Variants in LINGO2 observed in about 807,000 individuals in gnomAD.
The protein encoded by LINGO2 is leucine rich repeat and Ig domain containing 2, also known as leucine-rich repeat and immunoglobulin-like domain-containing nogo receptor-interacting protein 2.
In LINGO2, 14 loss-of-function variants were observed where a neutral mutation model predicts 30.6. That is an observed-to-expected ratio of 0.46 (90% CI 0.30 to 0.72). The LOEUF (loss-of-function observed/expected upper bound fraction) is 0.72. LINGO2 is among the 30% of genes least tolerant of loss of function. LINGO2 has a pLI of 0.07. For synonymous variants in LINGO2, 317 were observed against 288.5 expected (o/e 1.10, Z -1.00); for missense variants, 729 against 751.7 (o/e 0.97, Z 0.35).
chr9:28,744,578 G>C, the LINGO2 span, among the ~76,000 whole-genome samples: 3 of 147,690 alleles, frequency 2.0e-5, no homozygotes, highest in African/African-American at 5.0e-5. Flanking sequence ...ATAGTGTATA[G>C]CTTCTGATTT....
chr9:28,628,374 A>C (rs1826781038), intron 1 of LINGO2, among the ~76,000 whole-genome samples: 2 of 152,144 alleles, frequency 1.3e-5, no homozygotes, highest in African/African-American at 4.8e-5. Flanking sequence ...GTTTGCAGAC[A>C]ATAAATTCAC....
the LINGO2 span, among the ~76,000 whole-genome samples, chr9:29,158,892 T>C: frequency 6.6e-6 from 1 of 151,974 alleles, no homozygotes; most frequent in Non-Finnish European, 1.5e-5. Flanking sequence ...GAGCATCCCA[T>C]GTCCTCATTT....
chr9:28,176,575 A>G (rs2133688894), intron 4 of LINGO2, among the ~76,000 whole-genome samples: 1 of 152,342 alleles, frequency 6.6e-6, no homozygotes, highest in African/African-American at 2.4e-5. Context: ...AATATCTGAC[A>G]TTAATATAAC....
chr9:28,634,430 T>C (rs550549109), intron 1 of LINGO2, among the ~76,000 whole-genome samples: 1 of 151,988 alleles, frequency 6.6e-6, no homozygotes, highest in South Asian at 2.1e-4. Context: ...AGAATCTTGA[T>C]TGTCCCTTTA....
At chr9:28,237,000 C>A (rs979288842) in intron 4 of LINGO2, among the ~76,000 whole-genome samples, 1 of 150,084 alleles carries the variant, frequency 6.7e-6, no homozygotes, top group Non-Finnish European at 1.5e-5. Context: ...CTCGGGTACC[C>A]CATATTTATA....
the LINGO2 span, among the ~76,000 whole-genome samples, chr9:28,779,985 C>T: frequency 6.6e-6 from 1 of 152,038 alleles, no homozygotes; most frequent in Non-Finnish European, 1.5e-5. Context: ...TCTCTCTACA[C>T]CACTAAAGTT....
the LINGO2 span, among the ~76,000 whole-genome samples, chr9:28,723,653 G>T: frequency 6.6e-6 from 1 of 152,062 alleles, no homozygotes; most frequent in African/African-American, 2.4e-5. Context: ...TATTATCAAA[G>T]TAGCCCTGTT....
chr9:28,242,995 A>T (rs1587309087), intron 4 of LINGO2, among the ~76,000 whole-genome samples: 1 of 152,160 alleles, frequency 6.6e-6, no homozygotes, highest in African/African-American at 2.4e-5. Flanking sequence ...GAAAGGAAAA[A>T]CCAGTACTAG....
chr9:28,717,568 G>T, the LINGO2 span, among the ~76,000 whole-genome samples: 1 of 151,942 alleles, frequency 6.6e-6, no homozygotes, highest in Non-Finnish European at 1.5e-5. Flanking sequence ...ACACACTCAA[G>T]AGCAAATGTA....
At chr9:28,228,054 T>C (rs987360740) in intron 4 of LINGO2, among the ~76,000 whole-genome samples, 5 of 152,084 alleles carry the variant, frequency 3.3e-5, no homozygotes, top group Non-Finnish European at 7.4e-5. Context: ...TTAATACATG[T>C]AGTCATATCC....
chr9:28,434,036 A>G (rs895418264), intron 2 of LINGO2, among the ~76,000 whole-genome samples: 2 of 150,954 alleles, frequency 1.3e-5, no homozygotes, highest in African/African-American at 4.9e-5. Flanking sequence ...GGAACAAAAT[A>G]ATGTCTTTTG....
the LINGO2 span, among the ~76,000 whole-genome samples, chr9:28,912,892 G>T: frequency 2.6e-5 from 4 of 152,162 alleles, no homozygotes; most frequent in African/African-American, 9.6e-5. Flanking sequence ...TCTTGAGATT[G>T]TGTGGAATCT....
At chr9:28,957,812 G>C in the LINGO2 span, among the ~76,000 whole-genome samples, 1 of 152,098 alleles carries the variant, frequency 6.6e-6, no homozygotes, top group African/African-American at 2.4e-5. Context: ...AGATCACTTT[G>C]CCCTAGAATT....
rs1396776025 is a variant in LINGO2 at position 28,146,572 on chromosome 9, T to C, written c.-86-134167A>G. Among the ~76,000 whole-genome samples, 3 of 152,236 alleles carry C rather than the reference T, an allele frequency of 2.0e-5. No individual in the cohort carries two copies. In the East Asian group the frequency reaches 5.8e-4, roughly 29 times the overall value. On this transcript the variant is annotated intron_variant, in intron 4 of 5. Coordinates refer to ENST00000379992, the Ensembl canonical transcript of LINGO2. ...TTAAGTGGTAAAAATCTTTTTTTTTTTAACTTCTTGCCTTTTAATAATATC... is the reference window on the plus strand; with the variant it reads ...TTAAGTGGTAAAAATCTTTTTTTTTCTAACTTCTTGCCTTTTAATAATATC...
chr9:28,887,936 G>C, the LINGO2 span, among the ~76,000 whole-genome samples: 4 of 152,012 alleles, frequency 2.6e-5, no homozygotes, highest in Non-Finnish European at 5.9e-5. Context: ...AAAAAAGACA[G>C]GTCAAAATGA....
chr9:28,534,107 C>G (rs981532886), intron 1 of LINGO2, among the ~76,000 whole-genome samples: 2 of 152,118 alleles, frequency 1.3e-5, no homozygotes, highest in African/African-American at 4.8e-5. Flanking sequence ...TACCCCTTAC[C>G]TGGGTACACA....
At chr9:28,900,161 C>A in the LINGO2 span, among the ~76,000 whole-genome samples, 1 of 152,108 alleles carries the variant, frequency 6.6e-6, no homozygotes, top group African/African-American at 2.4e-5. Flanking sequence ...CCAGATCAGT[C>A]TCATGGACCC....
At chr9:29,162,584 G>T in the LINGO2 span, among the ~76,000 whole-genome samples, 1 of 152,056 alleles carries the variant, frequency 6.6e-6, no homozygotes, top group Non-Finnish European at 1.5e-5. Flanking sequence ...TGAATCAATG[G>T]ATATGAAAGG....
intron 4 of LINGO2, among the ~76,000 whole-genome samples, chr9:28,100,464 G>A (rs1349663079): frequency 6.6e-6 from 1 of 152,144 alleles, no homozygotes; most frequent in Non-Finnish European, 1.5e-5. Context: ...ACAATGTTAT[G>A]TGAAGTAGAG....
Sources: allele counts gnomAD v4.1 joint callset (sites outside exome capture counted in the v4.1 genomes callset), GRCh38; gene constraint gnomAD v4.1.1; transcripts MANE v1.5; gene names NCBI Gene and HGNC (gene_info 2026-07-23, HGNC 2026-07-21).